Variants in IL2RB observed in about 807,000 individuals in gnomAD.
The protein encoded by IL2RB is interleukin 2 receptor subunit beta, also known as interleukin-2 receptor subunit beta.
Under a neutral mutation model 44.2 loss-of-function variants are expected in IL2RB, and 17 were observed. The observed-to-expected ratio is 0.38, with a 90% CI of 0.26 to 0.58. IL2RB has a LOEUF of 0.58. IL2RB is among the 20% of genes least tolerant of loss of function. The pLI, the probability that IL2RB is intolerant of heterozygous loss-of-function variation, is 0.63. For missense variants in IL2RB, 624 were observed against 685.5 expected (o/e 0.91, Z 1.00); for synonymous variants, 286 against 297.9 (o/e 0.96, Z 0.41).
In IL2RB at chr22:37,128,831, G is replaced by A. The variant is rs1921277276; in HGVS notation, c.921C>T (p.Pro307=). The A allele has an allele frequency of 1.2e-6, 2 of 1,604,878 alleles. No homozygotes were observed. Among genetic ancestry groups the A allele is most frequent in the Non-Finnish European group, 8.5e-7 (1 of 1,172,980 alleles). Reference sequence around the variant, plus strand: ...CAGGGCTGAAGGACGATGAGGGGAAGGGCGAAGAGAGCCACTTCTGGTGGG... The same window carrying A: ...CAGGGCTGAAGGACGATGAGGGGAAAGGCGAAGAGAGCCACTTCTGGTGGG... ...GGDVQKWLSS[P]FPSSSFSPGG... is the part of the protein sequence containing the mutation. Residue 307 remains proline, a synonymous_variant, in exon 10 of 10, where the codon CCC becomes CCT. Transcript: ENST00000216223. The surrounding 1 kb of genome is among the most constrained non-coding windows in gnomAD (Gnocchi z 4.5).
In IL2RB at chr22:37,128,410, T is replaced by G; in HGVS notation, c.1342A>C (p.Ser448Arg). 6.6e-7 allele frequency: 1 copy of G among 1,514,138 alleles called. No homozygotes were observed. The highest frequency in any genetic ancestry group is 8.8e-7 in the Non-Finnish European group (1 of 1,132,052). The allele number at this position is 1,514,138 out of a possible 1,614,324, so 93.8% of individuals were successfully genotyped here. ...PSPPSTAPGG[S>R]GAGEERMPPS... ...GGCATCCTCTCTTCACCGGCCCCAC[T>G]GCCCCCAGGGGCAGTGCTTGGGGGG... Residue 448 changes from serine to arginine, a missense_variant, in exon 10 of 10, where the codon AGT (serine) becomes CGT (arginine). By Grantham distance (110) the Ser-to-Arg change is moderately radical. This residue lies in a region of IL2RB where 291 missense variants were observed against 275.5 expected (regional missense o/e 1.06). Coordinates refer to ENST00000216223, the MANE Select transcript of IL2RB (RefSeq NM_000878.5). This position sits in a 1 kb window ranked among gnomAD's most constrained non-coding sequence, Gnocchi z 4.5.
rs3218350 is a variant in IL2RB at position 37,145,981 on chromosome 22, C to T, written c.-33-1776G>A. On this transcript the variant is annotated intron_variant, in intron 1 of 9. Coordinates refer to ENST00000216223, the MANE Select transcript of IL2RB (RefSeq NM_000878.5). ...CAGCCCCAAGCCTCCACGTCCCTCC[C>T]GATGGTCTGCAGGACCCCCTCACAG... is the stretch of plus-strand genomic sequence containing the variant. Among the ~76,000 whole-genome samples the T allele has an allele frequency of 3.2e-3, 492 of 152,276 alleles. 1 individual carries two copies. Among genetic ancestry groups the T allele is most frequent in the African/African-American group, 0.011 (459 of 41,554 alleles).
chr22:37,143,759 C>A, intron 2 of IL2RB, 124 bp from the exon 3 acceptor site: 1 of 727,214 alleles, frequency 1.4e-6, no homozygotes, highest in South Asian at 1.6e-5. Context: ...CTCTGGCAAG[C>A]GGAGAAGGGA....
chr22:37,148,567 G>A (rs1045357972), intron 1 of IL2RB, among the ~76,000 whole-genome samples: 2 of 152,150 alleles, frequency 1.3e-5, no homozygotes, highest in African/African-American at 2.4e-5. Context: ...AGCCCGGAGC[G>A]GCTGACCCCA....
At chr22:37,161,903 C>T (rs183174998) in intron 1 of IL2RB, 9 of 152,228 alleles carry the variant, frequency 5.9e-5, no homozygotes, top group African/African-American at 1.9e-4. Context: ...AGGGTGGTGT[C>T]GGAACATCGT....
intron 9 of IL2RB, among the ~76,000 whole-genome samples, chr22:37,130,230 C>T (rs965059529): frequency 1.3e-5 from 2 of 152,172 alleles, no homozygotes; most frequent in Non-Finnish European, 2.9e-5. Flanking sequence ...TTCATGATAC[C>T]CAGGGCAAGG....
chr22:37,148,044 C>T (rs1442702731), intron 1 of IL2RB, among the ~76,000 whole-genome samples: 2 of 152,176 alleles, frequency 1.3e-5, no homozygotes, highest in African/African-American at 4.8e-5. Flanking sequence ...TGCAGAGAGC[C>T]CCAGTGTGTG....
chr22:37,141,074 C>T lies in IL2RB; in HGVS notation c.282+1360G>A, dbSNP rs1355891743. On this transcript the variant is annotated intron_variant, in intron 4 of 9. Coordinates refer to ENST00000216223, the MANE Select transcript of IL2RB (RefSeq NM_000878.5). The surrounding 1 kb of genome is among the most constrained non-coding windows in gnomAD (Gnocchi z 4.4). ...GGAGCAGGTAGGAGCCCTGCCCTCC[C>T]AGGCAGGGCTGCAGCTGCCTAAGTC... Among the ~76,000 whole-genome samples, 1 of 152,162 alleles carries T rather than the reference C, an allele frequency of 6.6e-6. No homozygotes were observed. The highest frequency in any genetic ancestry group is 1.5e-5 in the Non-Finnish European group (1 of 68,016).
chr22:37,135,521 C>T (rs958675317), intron 7 of IL2RB, 79 bp from the exon 8 acceptor site: 1 of 862,760 alleles, frequency 1.2e-6, no homozygotes, highest in Non-Finnish European at 1.9e-6. Flanking sequence ...CACCCCAACA[C>T]CCCCATCCAG....
At chr22:37,162,051 G>T (rs1922898658) in intron 1 of IL2RB, 1 of 152,270 alleles carries the variant, frequency 6.6e-6, no homozygotes, top group Admixed American at 6.5e-5. Flanking sequence ...AGCCAGTAGA[G>T]TTTTTGCAAC....
Position 37,155,941 on chromosome 22 carries a change from A to AG in IL2RB, c.-33-11737dup, listed in dbSNP as rs1922665543. ...CACTGGACCCAGACCCCTCTTTCAC[A>AG]GGGGCCATGGGACAAGGGCATATTG... is the stretch of plus-strand genomic sequence containing the variant. On this transcript the variant is annotated intron_variant, in intron 1 of 5. Transcript: ENST00000429622. Among the ~76,000 whole-genome samples, 2 of 152,042 alleles carry AG rather than the reference A, an allele frequency of 1.3e-5. 1 individual carries two copies. Among genetic ancestry groups the AG allele is most frequent in the Non-Finnish European group, 2.9e-5 (2 of 67,986 alleles).
At chr22:37,170,060 G>A (rs1419588398) in intron 1 of IL2RB, among the ~76,000 whole-genome samples, 2 of 8,522 alleles carry the variant, frequency 2.3e-4, no homozygotes, top group East Asian at 0.11. Flanking sequence ...GGGGGAGAAG[G>A]AAGGAAGGAT....
chr22:37,150,129 C>G (rs1299225254), upstream of IL2RB: 3 of 152,108 alleles, frequency 2.0e-5, no homozygotes, highest in Non-Finnish European at 1.4e-5. Context: ...CACACACACA[C>G]AGACACACAT....
intron 1 of IL2RB, among the ~76,000 whole-genome samples, chr22:37,162,436 C>T (rs888566978): frequency 3.9e-5 from 6 of 152,206 alleles, no homozygotes; most frequent in Non-Finnish European, 5.9e-5. Flanking sequence ...TACCTAAATG[C>T]GCACTTGGAA....
At chr22:37,139,534 C>T (rs908410286) in intron 4 of IL2RB, among the ~76,000 whole-genome samples, 2 of 152,092 alleles carry the variant, frequency 1.3e-5, no homozygotes, top group Non-Finnish European at 2.9e-5. Flanking sequence ...CTGGATATGG[C>T]CTATGGGTCA....
At chr22:37,173,389 C>T (rs1271201251) in intron 1 of IL2RB, among the ~76,000 whole-genome samples, 1 of 152,128 alleles carries the variant, frequency 6.6e-6, no homozygotes, top group African/African-American at 2.4e-5. Context: ...TAGCACAGGG[C>T]CAAGCCTATA....
chr22:37,139,060 G>T, intron 5 of IL2RB, 57 bp downstream of exon 5: 1 of 1,120,718 alleles, frequency 8.9e-7, no homozygotes, highest in Non-Finnish European at 1.4e-6. Flanking sequence ...CCCAGAGGAG[G>T]TGGAAGGAAG....
At chr22:37,154,789 C>T (rs768335807), upstream of IL2RB, among the ~76,000 whole-genome samples, 4 of 151,972 alleles carry the variant, frequency 2.6e-5, no homozygotes, top group Non-Finnish European at 1.5e-5. Flanking sequence ...TTGGCCAGGA[C>T]GGTCTCGATC....
intron 2 of IL2RB, 46 bp downstream of exon 2, chr22:37,144,039 T>G: frequency 6.4e-7 from 1 of 1,551,144 alleles, no homozygotes; most frequent in Non-Finnish European, 8.7e-7. Context: ...GCCTTAGCCA[T>G]CTCTCCATAG....
Sources: gnomAD v4.1 joint callset for allele counts (sites outside exome capture counted in the v4.1 genomes callset) on GRCh38, gnomAD v4.1.1 for gene constraint, gnomAD v4.1.1 regional missense constraint, Gnocchi (gnomAD v3.1) non-coding constraint, MANE v1.5 for transcripts, NCBI Gene and HGNC (gene_info 2026-07-23, HGNC 2026-07-21) for gene names.